Variants in CCDC40 observed in about 807,000 individuals in gnomAD.
CCDC40 encodes coiled-coil domain 40 molecular ruler complex subunit.
CCDC40 carries 104 observed loss-of-function variants against 124.5 expected under a neutral mutation model. The ratio of observed to expected loss-of-function variants is 0.84; its 90% CI spans 0.71 to 0.98. CCDC40 has a LOEUF of 0.98. CCDC40 is among the 50% of genes least tolerant of loss of function. CCDC40 has a pLI of 0.00. For missense variants in CCDC40, 1,463 were observed against 1,503.9 expected, an observed-to-expected ratio of 0.97 and a Z score of 0.45; for synonymous variants, 580 against 602.9, an observed-to-expected ratio of 0.96 and a Z score of 0.56.
chr17:80,041,042 AT>A (rs1229535673), intron 3 of CCDC40, among the ~76,000 whole-genome samples: 3 of 152,196 alleles, frequency 2.0e-5, no homozygotes, highest in African/African-American at 7.2e-5. Context: ...GCGTTCTTAT[AT>A]TTTTTCATCA....
intron 16 of CCDC40, among the ~76,000 whole-genome samples, chr17:80,089,314 G>A (rs2038652239): frequency 6.6e-6 from 1 of 152,222 alleles, no homozygotes; most frequent in South Asian, 2.1e-4. Context: ...AATAGCGCAG[G>A]GATCGCCTGT....
chr17:80,090,066 T>TC, intron 17 of CCDC40, 182 bp downstream of exon 17: 1 of 1,537,332 alleles, frequency 6.5e-7, no homozygotes, highest in Non-Finnish European at 8.7e-7. Context: ...TGACCTGCAC[T>TC]CCAGCCGAGC....
rs777241202 is a variant in CCDC40, at chr17:80,050,110, T to C, written c.986T>C (p.Val329Ala). The change falls in exon 7 of 20, where the codon GTG (valine) becomes GCG (alanine). Residue 329 changes from valine to alanine, a missense_variant. Coordinates refer to ENST00000397545, the MANE Select transcript of CCDC40 (RefSeq NM_017950.4). ...QSRAQRQELG[V>A]NLYEVQQHLV... is the part of the protein sequence containing the mutation. The stretch of plus-strand genomic sequence containing the variant: ...CGAGCCCAGCGGCAGGAGCTGGGGG[T>C]GAATCTCTATGAGGTGCAGCAGCAC... 3.7e-6 allele frequency: 6 copies of C among 1,612,550 alleles called. No individual in the cohort carries two copies. Among genetic ancestry groups the C allele is most frequent in the South Asian group, 1.1e-5 (1 of 90,992 alleles).
chr17:80,094,587 C>T (rs1166395494), intron 17 of CCDC40, among the ~76,000 whole-genome samples: 1 of 152,014 alleles, frequency 6.6e-6, no homozygotes, highest in African/African-American at 2.4e-5. Context: ...CCTAGCTACT[C>T]AGGAGGCTGA....
At chr17:80,044,737 A>ATATATATATATATCTCTC (rs1568671789) in intron 3 of CCDC40, among the ~76,000 whole-genome samples, 1 of 139,144 alleles carries the variant, frequency 7.2e-6, no homozygotes, top group African/African-American at 2.8e-5. Context: ...ATATATATAT[A>ATATATATATATATCTCTC]TCTCAACAAC....
Position 80,040,256 on chromosome 17 carries a change from G to A in CCDC40, c.538G>A (p.Ala180Thr). ...AATGGGCCAGGTCACCTCTGGGCCAGCAGTGGGCAGATTGGTGAGTAGCCC... is the reference window on the plus strand; with the variant it reads ...AATGGGCCAGGTCACCTCTGGGCCAACAGTGGGCAGATTGGTGAGTAGCCC... The part of the protein sequence containing the change: ...EQMGQVTSGP[A>T]VGRLTGSTEE... The change falls in exon 3 of 20, where the codon GCA becomes ACA. Residue 180 changes from alanine to threonine, a missense_variant. By Grantham distance (58) the Ala-to-Thr change is moderately conservative. Coordinates refer to ENST00000397545, the MANE Select transcript of CCDC40 (RefSeq NM_017950.4). 2 of 1,613,398 alleles carry A rather than the reference G, an allele frequency of 1.2e-6. No individual in the cohort carries two copies. The highest frequency in any genetic ancestry group is 1.7e-6 in the Non-Finnish European group (2 of 1,179,892).
rs57153705 is a variant in CCDC40 at position 80,086,403 on chromosome 17, T to G, written c.2449+187T>G. On this transcript the variant is annotated intron_variant, in intron 14 of 19. Transcript: ENST00000397545. The surrounding 1 kb of genome is among the most constrained non-coding windows in gnomAD (Gnocchi z 5.5). Reference sequence around the variant, plus strand: ...ACCACTGCCTGCCCAGCTGCCCAGTTCGCAGTCACAGCGGGAGGGTTGAGA... The same window carrying G: ...ACCACTGCCTGCCCAGCTGCCCAGTGCGCAGTCACAGCGGGAGGGTTGAGA... 84,159 of 610,794 alleles carry G rather than the reference T, an allele frequency of 0.14. 6,675 individuals are homozygous for G. The highest frequency in any genetic ancestry group is 0.18 in the South Asian group (9,806 of 53,854). The allele number at this position is 610,794 out of a possible 1,614,324, so 37.8% of individuals were successfully genotyped here.
Position 80,099,838 on chromosome 17 carries a change from G to T in CCDC40, c.*63G>T. 1.3e-6 allele frequency: 2 copies of T among 1,578,384 alleles called. No homozygotes were observed. The highest frequency in any genetic ancestry group is 1.1e-5 in the South Asian group (1 of 89,600). ...AGAGATCCGGAATTGTGTTTGTCAT[G>T]AGGGACTTGGAATCTTTTGTGTTCC... On this transcript the variant is annotated 3_prime_UTR_variant, in exon 20 of 20. Transcript: ENST00000397545.
At chr17:80,095,794 C>T (rs758144466) in intron 18 of CCDC40, among the ~76,000 whole-genome samples, 2 of 152,234 alleles carry the variant, frequency 1.3e-5, no homozygotes, top group African/African-American at 2.4e-5. Context: ...CAGAGACGGC[C>T]GTGTTTCAGC....
Position 80,060,379 on chromosome 17 carries a change from C to CA in CCDC40, c.1440+1406dup, listed in dbSNP as rs537253426. ...GCAACATGGTGAGACCCTGTCTCCA[C>CA]AAAAAAATAATAATTAAAAAAAAAT... On this transcript the variant is annotated intron_variant, in intron 9 of 19. Coordinates refer to ENST00000397545, the MANE Select transcript of CCDC40 (RefSeq NM_017950.4). Among the ~76,000 whole-genome samples the CA allele has an allele frequency of 1.5e-3, 228 of 149,306 alleles. 1 individual carries two copies. Among genetic ancestry groups the CA allele is most frequent in the African/African-American group, 5.1e-3 (207 of 40,426 alleles).
In CCDC40 at chr17:80,088,541, C is replaced by T. The variant is rs181023073; in HGVS notation, c.2711+439C>T. 3.2e-4 allele frequency: 88 copies of T among 279,286 alleles called. No individual in the cohort carries two copies. The East Asian group carries it at 5.2e-3, about 17-fold the overall frequency. The allele number at this position is 279,286 out of a possible 1,614,324, so 17.3% of individuals were successfully genotyped here. A position where few individuals can be genotyped will look rare whatever the true frequency, so the allele number is the denominator to read the frequency against. On this transcript the variant is annotated intron_variant, in intron 16 of 19. Transcript: ENST00000397545. ...CGCTGGGATTACATTCATGAGCCAC[C>T]GTGCCCAGCAATCCCAGTGCTTTGG... is the stretch of plus-strand genomic sequence containing the variant.
rs535705411 is a variant in CCDC40 at position 80,097,754 on chromosome 17, G to T, written c.3180+351G>T. Reference sequence around the variant, plus strand: ...ATTTTAAAAGATACAGTGTGTTGTAGCTAGGCATGGTGGTACACACCTGTG... The same window carrying T: ...ATTTTAAAAGATACAGTGTGTTGTATCTAGGCATGGTGGTACACACCTGTG... On this transcript the variant is annotated intron_variant, in intron 19 of 19. Transcript: ENST00000397545. The T allele has an allele frequency of 4.0e-3, 1,274 of 322,340 alleles. 37 individuals are homozygous for T. Among genetic ancestry groups the T allele is most frequent in the South Asian group, 0.035 (1,243 of 35,498 alleles). 20.0% of individuals were successfully genotyped at this position (322,340 alleles called of 1,614,324 possible).
At position 80,067,507 on chromosome 17, in the gene CCDC40, T is replaced by C. The variant is rs972448611; in HGVS notation, c.1562+1901T>C. 4.0e-6 allele frequency: 5 copies of C among 1,239,362 alleles called. No homozygotes were observed. In the African/African-American group the frequency reaches 7.5e-5, roughly 18 times the overall value. The allele number at this position is 1,239,362 out of a possible 1,614,324, so 76.8% of individuals were successfully genotyped here. On this transcript the variant is annotated intron_variant, in intron 10 of 19. Coordinates refer to ENST00000397545, the MANE Select transcript of CCDC40 (RefSeq NM_017950.4). ...TCTTTGCTTTTTCCATTTAACAGCG[T>C]GTCCCTAGAGCGCTTCCCAAGTCAA...
chr17:80,074,125 A>G (rs1261108603), intron 10 of CCDC40, among the ~76,000 whole-genome samples: 1 of 152,240 alleles, frequency 6.6e-6, no homozygotes, highest in Non-Finnish European at 1.5e-5. Context: ...GTTTTTGAAG[A>G]AAATTTAAAG....
chr17:80,095,392 C>A lies in CCDC40; in HGVS notation c.2962C>A (p.Arg988Ser). 1 of 1,614,142 alleles carries A rather than the reference C, an allele frequency of 6.2e-7. No individual in the cohort carries two copies. Residue 988 changes from arginine to serine, a missense_variant, in exon 18 of 20, where the codon CGC (arginine) becomes AGC (serine). Coordinates refer to ENST00000397545, the MANE Select transcript of CCDC40 (RefSeq NM_017950.4). Reference sequence around the variant, plus strand: ...CAAGATGGACAGGAAGGCGCTCACCCGCACCGACTTCCACCACAAGCAGCT... The same window carrying A: ...CAAGATGGACAGGAAGGCGCTCACCAGCACCGACTTCCACCACAAGCAGCT... ...QRKMDRKALT[R>S]TDFHHKQLEL...
chr17:80,049,880 C>T lies in CCDC40; in HGVS notation c.856-26C>T, dbSNP rs150846977. The T allele has an allele frequency of 1.2e-4, 195 of 1,606,614 alleles. 1 individual carries two copies. The African/African-American group carries it at 2.4e-3, about 19-fold the overall frequency. Reference sequence around the variant, plus strand: ...GGCAGGAGGGTAACCAGAAAGGTAACCACCTGTGGTTTTCCATTGTTCTAG... The same window carrying T: ...GGCAGGAGGGTAACCAGAAAGGTAATCACCTGTGGTTTTCCATTGTTCTAG... On this transcript the variant is annotated intron_variant, in intron 5 of 19. Coordinates refer to ENST00000397545, the MANE Select transcript of CCDC40 (RefSeq NM_017950.4).
At chr17:80,083,960 G>A (rs1024892374) in intron 12 of CCDC40, among the ~76,000 whole-genome samples, 29 of 152,370 alleles carry the variant, frequency 1.9e-4, no homozygotes, top group African/African-American at 6.5e-4. Context: ...AGCACCCAGT[G>A]TGTAGGGTGT....
chr17:80,095,116 T>C, intron 17 of CCDC40, 147 bp from the exon 18 acceptor site: 3 of 739,602 alleles, frequency 4.1e-6, no homozygotes, highest in Non-Finnish European at 7.1e-6. Context: ...ATGTCCCTTG[T>C]TCCTCCTGGC....
intron 3 of CCDC40, among the ~76,000 whole-genome samples, chr17:80,043,413 C>T (rs990557280): frequency 6.6e-6 from 1 of 152,070 alleles, no homozygotes; most frequent in South Asian, 2.1e-4. Flanking sequence ...GGCCTGTGTG[C>T]GTGTACTGTA....
Sources: gnomAD v4.1 joint callset for allele counts (sites outside exome capture counted in the v4.1 genomes callset) on GRCh38, gnomAD v4.1.1 for gene constraint, Gnocchi (gnomAD v3.1) non-coding constraint, MANE v1.5 for transcripts, NCBI Gene and HGNC (gene_info 2026-07-23, HGNC 2026-07-21) for gene names.